NAV1: variants seen among roughly 807,000 people sequenced by gnomAD.
NAV1 encodes pore membrane and/or filament interacting like protein 3.
Under a neutral mutation model 175.2 loss-of-function variants are expected in NAV1, and 18 were observed. The observed-to-expected ratio is 0.10, with a 90% CI of 0.07 to 0.15. NAV1 has a LOEUF of 0.15. Among genes scored for constraint, NAV1 ranks in the 10% least tolerant of loss-of-function variants. The probability of loss-of-function intolerance (pLI) is 1.00; values close to 1 mark genes in which losing one functional copy is unlikely to be tolerated. For missense variants in NAV1, 1,731 were observed against 2,436.6 expected (o/e 0.71, Z 6.10); for synonymous variants, 897 against 978.7 (o/e 0.92, Z 1.56).
chr1:201,784,667 G>A (rs1217538311), intron 7 of NAV1, among the ~76,000 whole-genome samples: 1 of 150,570 alleles, frequency 6.6e-6, no homozygotes, highest in African/African-American at 2.4e-5. Context: ...CCTCCCGGGA[G>A]CTGCAACTAC....
chr1:201,747,741 T>G (rs988112984), intron 3 of NAV1, among the ~76,000 whole-genome samples: 3 of 152,258 alleles, frequency 2.0e-5, no homozygotes, highest in Non-Finnish European at 4.4e-5. Flanking sequence ...TTTTTGCCAC[T>G]TCTTCCCATT....
chr1:201,600,021 C>T (rs1046414480), intron 2 of NAV1, among the ~76,000 whole-genome samples: 9 of 152,312 alleles, frequency 5.9e-5, no homozygotes, highest in South Asian at 4.1e-4. Context: ...AGCTTGGGCC[C>T]GGTTATCTGC....
At chr1:201,689,069 GCACA>G (rs1670794248) in intron 1 of NAV1, among the ~76,000 whole-genome samples, 2 of 152,146 alleles carry the variant, frequency 1.3e-5, no homozygotes, top group African/African-American at 4.8e-5. Flanking sequence ...GTTAATCCCA[GCACA>G]CACCCTGGAA....
In NAV1 at chr1:201,810,891, C is replaced by G; in HGVS notation, c.4797+133C>G. 1 of 669,204 alleles carries G rather than the reference C, an allele frequency of 1.5e-6. No homozygotes were observed. The highest frequency in any genetic ancestry group is 2.7e-5 in the East Asian group (1 of 36,576). The allele number at this position is 669,204 out of a possible 1,614,324, so 41.5% of individuals were successfully genotyped here. On this transcript the variant is annotated intron_variant, in intron 24 of 29. Coordinates refer to ENST00000367296, the Ensembl canonical transcript of NAV1. The surrounding 1 kb of genome is among the most constrained non-coding windows in gnomAD (Gnocchi z 6.0). ...CTTCATCTTTCTTCTCTTCTGTGTT[C>G]ATTTCCTTCCCTCTCTATCTATCCC...
chr1:201,811,798 A>C, intron 25 of NAV1, 41 bp downstream of exon 29: 4 of 1,606,198 alleles, frequency 2.5e-6, no homozygotes, highest in Non-Finnish European at 3.4e-6. Flanking sequence ...TCGAAGTGGG[A>C]GGAGGGAGAA....
chr1:201,774,228 T>G (rs2102683863), intron 3 of NAV1, among the ~76,000 whole-genome samples: 1 of 152,336 alleles, frequency 6.6e-6, no homozygotes, highest in East Asian at 1.9e-4. Context: ...AGAAATTCTT[T>G]CTGCCAAACA....
At chr1:201,748,770 T>C (rs1318469326) in intron 3 of NAV1, among the ~76,000 whole-genome samples, 2 of 152,158 alleles carry the variant, frequency 1.3e-5, no homozygotes, top group Non-Finnish European at 2.9e-5. Context: ...GTTGGGACCC[T>C]TGGGTTTGGT....
chr1:201,808,366 G>A lies in NAV1; in HGVS notation c.3846-52G>A, dbSNP rs368725950. ...CAACCATGCCTCTCAATATTCTCTA[G>A]TAACTCTAGTGCTTCTTCATGTAGC... On this transcript the variant is annotated intron_variant, in intron 18 of 29. Transcript: ENST00000367296. This position sits in a 1 kb window ranked among gnomAD's most constrained non-coding sequence, Gnocchi z 5.5. 191 of 1,554,188 alleles carry A rather than the reference G, an allele frequency of 1.2e-4. No homozygotes were observed. The African/African-American group carries it at 2.2e-3, about 18-fold the overall frequency.
At position 201,808,495 on chromosome 1, in the gene NAV1, C is replaced by T. The variant is rs753008409; in HGVS notation, c.3923C>T (p.Ser1308Leu). Residue 1308 changes from serine to leucine, a missense_variant, in exon 19 of 30, where the codon TCG becomes TTG. Ser to Leu is a moderately radical substitution (Grantham distance 145, BLOSUM62 -2). Transcript: ENST00000367296. This position sits in a 1 kb window ranked among gnomAD's most constrained non-coding sequence, Gnocchi z 5.5. ...GAGGAGCCAGAGAAGAAGGAGGTATCGGAGCTGCGCTCTGAGCTATGGGAG... is the reference window on the plus strand; with the variant it reads ...GAGGAGCCAGAGAAGAAGGAGGTATTGGAGCTGCGCTCTGAGCTATGGGAG... 2.1e-5 allele frequency: 34 copies of T among 1,614,110 alleles called. No individual in the cohort carries two copies. Among genetic ancestry groups the T allele is most frequent in the Non-Finnish European group, 2.8e-5 (33 of 1,180,052 alleles).
chr1:201,819,699 G>T, intron 29 of NAV1, 138 bp from the exon 34 acceptor site: 1 of 674,418 alleles, frequency 1.5e-6, no homozygotes, highest in Non-Finnish European at 2.6e-6. Context: ...TTTCAAAGCT[G>T]ATTGCAAACT....
intron 1 of NAV1, among the ~76,000 whole-genome samples, chr1:201,627,858 G>A (rs1668379573): frequency 6.6e-6 from 1 of 152,022 alleles, no homozygotes; most frequent in South Asian, 2.1e-4. Context: ...TTGACAATAA[G>A]AGCCTGGTGC....
intron 3 of NAV1, among the ~76,000 whole-genome samples, chr1:201,756,791 ATTCTCTTTCTTTCTTTCC>A (rs1674486371): frequency 6.8e-6 from 1 of 147,858 alleles, no homozygotes; most frequent in African/African-American, 2.5e-5. Flanking sequence ...CTAATGAGCA[ATTCTCTTTCTTTCTTTCC>A]TTCTTTCTTT....
chr1:201,543,915 T>G (rs1665592866), intron 1 of NAV1, among the ~76,000 whole-genome samples: 1 of 152,202 alleles, frequency 6.6e-6, no homozygotes. Flanking sequence ...TAACTAGAAG[T>G]TAGGCATTAA....
intron 2 of NAV1, among the ~76,000 whole-genome samples, chr1:201,638,419 G>A (rs1668666621): frequency 6.6e-6 from 1 of 152,186 alleles, no homozygotes; most frequent in Non-Finnish European, 1.5e-5. Context: ...CCTAGATCAT[G>A]CAGACTTCAG....
chr1:201,818,689 T>A (rs973677444), intron 29 of NAV1, among the ~76,000 whole-genome samples: 2 of 152,188 alleles, frequency 1.3e-5, no homozygotes, highest in Non-Finnish European at 2.9e-5. Context: ...TATGGAAGCA[T>A]AGACTTTTAT....
At chr1:201,726,947 G>A (rs1672630904) in intron 3 of NAV1, among the ~76,000 whole-genome samples, 1 of 152,188 alleles carries the variant, frequency 6.6e-6, no homozygotes, top group African/African-American at 2.4e-5. Flanking sequence ...GGTTTAGAGT[G>A]AAGGCTCACA....
chr1:201,665,544 T>C (rs978703601), intron 1 of NAV1, among the ~76,000 whole-genome samples: 1 of 151,434 alleles, frequency 6.6e-6, no homozygotes, highest in African/African-American at 2.4e-5. Flanking sequence ...TCCTCTACTC[T>C]TCCCATCTCA....
At chr1:201,598,304 A>G (rs1342800695) in intron 2 of NAV1, among the ~76,000 whole-genome samples, 2 of 152,228 alleles carry the variant, frequency 1.3e-5, no homozygotes, top group Non-Finnish European at 2.9e-5. Context: ...ACTTGAAGAT[A>G]AAGAATGAGG....
At chr1:201,784,471 T>C (rs1676561582) in intron 7 of NAV1, among the ~76,000 whole-genome samples, 1 of 152,080 alleles carries the variant, frequency 6.6e-6, no homozygotes, top group South Asian at 2.1e-4. Context: ...CAGAATCTTT[T>C]CTTTTATATC....
Sources: gnomAD v4.1 joint callset for allele counts (sites outside exome capture counted in the v4.1 genomes callset) on GRCh38, gnomAD v4.1.1 for gene constraint, Gnocchi (gnomAD v3.1) non-coding constraint, MANE v1.5 for transcripts, NCBI Gene and HGNC (gene_info 2026-07-23, HGNC 2026-07-21) for gene names.